MGAT4C: variants seen among roughly 807,000 people sequenced by gnomAD.
MGAT4C encodes the protein MGAT4 family member C, also known as alpha-1,3-mannosyl-glycoprotein 4-beta-N-acetylglucosaminyltransferase C.
Under a neutral mutation model 40.1 loss-of-function variants are expected in MGAT4C, and 19 were observed. The ratio of observed to expected loss-of-function variants is 0.47; its 90% CI spans 0.33 to 0.70. The LOEUF is 0.70. Ranked by LOEUF, MGAT4C falls within the 30% of genes least tolerant of loss-of-function variation. The pLI is 0.02. For synonymous variants in MGAT4C, 181 were observed against 187.1 expected (o/e 0.97, Z 0.27); for missense variants, 491 against 563.2 (o/e 0.87, Z 1.30).
intron 2 of MGAT4C, among the ~76,000 whole-genome samples, chr12:86,472,076 T>G (rs1957765308): frequency 6.6e-6 from 1 of 152,158 alleles, no homozygotes; most frequent in Non-Finnish European, 1.5e-5. Context: ...ATACTTTACC[T>G]CTTCGTAAAG....
At chr12:86,528,769 T>A (rs1370987750) in intron 2 of MGAT4C, among the ~76,000 whole-genome samples, 1 of 152,078 alleles carries the variant, frequency 6.6e-6, no homozygotes, top group African/African-American at 2.4e-5. Flanking sequence ...CTTTTGTTCA[T>A]ATATTTATTT....
At chr12:86,232,688 A>G (rs1951374251) in intron 1 of MGAT4C, among the ~76,000 whole-genome samples, 1 of 152,254 alleles carries the variant, frequency 6.6e-6, no homozygotes, top group Non-Finnish European at 1.5e-5. Flanking sequence ...TGCATCAACA[A>G]GGAATGCCAA....
At chr12:86,013,737 G>A in intron 2 of MGAT4C, 1 of 980,714 alleles carries the variant, frequency 1.0e-6, no homozygotes, top group Non-Finnish European at 1.2e-6. Flanking sequence ...GGCTTTTCTA[G>A]TGTCAGTCAG....
chr12:86,518,590 A>G (rs4488269), intron 2 of MGAT4C, among the ~76,000 whole-genome samples: 9,900 of 152,240 alleles, frequency 0.065, 763 homozygotes, highest in East Asian at 0.24. Context: ...TGACAGAAAT[A>G]CAAAATGATA....
intron 1 of MGAT4C, among the ~76,000 whole-genome samples, chr12:86,231,343 A>G (rs935340073): frequency 3.3e-5 from 5 of 152,206 alleles, no homozygotes; most frequent in Non-Finnish European, 4.4e-5. Context: ...TTCTCAATAT[A>G]CTTGGGGTAG....
chr12:86,205,129 T>C (rs1950203250), intron 1 of MGAT4C, among the ~76,000 whole-genome samples: 1 of 151,938 alleles, frequency 6.6e-6, no homozygotes, highest in Non-Finnish European at 1.5e-5. Context: ...AAAATATTAA[T>C]GCTCAGAGCA....
intron 2 of MGAT4C, among the ~76,000 whole-genome samples, chr12:86,449,180 A>T (rs999559040): frequency 6.6e-6 from 1 of 152,192 alleles, no homozygotes; most frequent in Non-Finnish European, 1.5e-5. Context: ...TTGAGAACAT[A>T]CAATCAATAA....
chr12:85,962,478 G>A lies in MGAT4C; in HGVS notation c.*16811C>T, dbSNP rs1269908977. Reference sequence around the variant, plus strand: ...AAAATATTAACAATAATTGAACATTGTTTACTTTTTTATCCTCACAACAAT... The same window carrying A: ...AAAATATTAACAATAATTGAACATTATTTACTTTTTTATCCTCACAACAAT... On this transcript the variant is annotated 3_prime_UTR_variant, in exon 5 of 5. Transcript: ENST00000611864. 1 of 147,982 alleles carries A rather than the reference G, an allele frequency of 6.8e-6. No individual in the cohort carries two copies. Among genetic ancestry groups the A allele is most frequent in the Non-Finnish European group, 1.5e-5 (1 of 66,936 alleles). 9.2% of individuals were successfully genotyped at this position (147,982 alleles called of 1,614,324 possible).
chr12:86,256,430 G>A (rs1344108842), upstream of MGAT4C: 1 of 152,164 alleles, frequency 6.6e-6, no homozygotes, highest in Non-Finnish European at 1.5e-5. Context: ...CTGACTGGAA[G>A]ATGATGTCAC....
intron 2 of MGAT4C, among the ~76,000 whole-genome samples, chr12:86,492,083 T>C (rs1025042512): frequency 1.8e-4 from 27 of 152,086 alleles, no homozygotes; most frequent in Non-Finnish European, 2.9e-4. Context: ...GGAATCCAAC[T>C]TGCAAGGGAT....
chr12:86,356,451 C>T (rs560569437), intron 3 of MGAT4C, among the ~76,000 whole-genome samples: 1 of 152,216 alleles, frequency 6.6e-6, no homozygotes, highest in Admixed American at 6.5e-5. Flanking sequence ...ACTGAGGTAC[C>T]AGGTTCATCT....
intron 2 of MGAT4C, among the ~76,000 whole-genome samples, chr12:86,576,181 GATTT>G (rs1402121666): frequency 6.6e-6 from 1 of 151,746 alleles, no homozygotes; most frequent in Non-Finnish European, 1.5e-5. Context: ...TGGATTATTA[GATTT>G]TTTTCCTCTA....
At position 86,673,182 on chromosome 12, in the gene MGAT4C, C is replaced by T. The variant is rs150964244; in HGVS notation, c.-229+54027G>A. On this transcript the variant is annotated intron_variant, in intron 2 of 7. Coordinates refer to the MGAT4C transcript ENST00000548651. The stretch of plus-strand genomic sequence containing the variant: ...ACGGGAACCGTTCTATAGAAAAACG[C>T]TGTCTGGAGACAAATCAGAGTTTTG... Among the ~76,000 whole-genome samples the T allele has an allele frequency of 5.7e-3, 870 of 152,284 alleles. 3 individuals are homozygous for T. The highest frequency in any genetic ancestry group is 0.02 in the African/African-American group (834 of 41,578).
chr12:86,510,342 A>G (rs1958551093), intron 2 of MGAT4C, among the ~76,000 whole-genome samples: 1 of 152,124 alleles, frequency 6.6e-6, no homozygotes, highest in Non-Finnish European at 1.5e-5. Context: ...TGAAGGAAGC[A>G]CTAAACATGG....
At chr12:86,501,225 G>C (rs1421759721) in intron 2 of MGAT4C, among the ~76,000 whole-genome samples, 4 of 151,984 alleles carry the variant, frequency 2.6e-5, no homozygotes, top group Non-Finnish European at 5.9e-5. Context: ...ATTAAAAAGA[G>C]AAGAAGAGAA....
intron 1 of MGAT4C, among the ~76,000 whole-genome samples, chr12:86,738,151 T>C (rs958899023): frequency 2.0e-5 from 3 of 151,446 alleles, no homozygotes; most frequent in African/African-American, 7.3e-5. Context: ...CATTGCCTAC[T>C]CCGCCTTTAT....
At chr12:86,172,713 G>A (rs892137768) in intron 1 of MGAT4C, among the ~76,000 whole-genome samples, 7 of 151,998 alleles carry the variant, frequency 4.6e-5, no homozygotes, top group African/African-American at 1.7e-4. Flanking sequence ...TCAACTCAGA[G>A]CAAAGAGACC....
chr12:86,485,763 A>C (rs1470159770), intron 2 of MGAT4C, among the ~76,000 whole-genome samples: 2 of 152,182 alleles, frequency 1.3e-5, no homozygotes, highest in Non-Finnish European at 2.9e-5. Context: ...ACAACCTCCA[A>C]GACACATAAT....
intron 1 of MGAT4C, among the ~76,000 whole-genome samples, chr12:86,774,398 T>TCTCTCTCTCTCTCTCTCTCTCTC (rs1951715745): frequency 7.5e-5 from 3 of 39,998 alleles, no homozygotes; most frequent in African/African-American, 1.2e-4. Flanking sequence ...CTCTCTCTCC[T>TCTCTCTCTCTCTCTCTCTCTCTC]CTCTCTCTCT....
Sources: gnomAD v4.1 joint callset for allele counts (sites outside exome capture counted in the v4.1 genomes callset) on GRCh38, gnomAD v4.1.1 for gene constraint, MANE v1.5 for transcripts, NCBI Gene and HGNC (gene_info 2026-07-23, HGNC 2026-07-21) for gene names.